The following SLC26A9 variants were observed in gnomAD, a reference collection of about 807,000 sequenced individuals.
SLC26A9 encodes the protein solute carrier family 26 member 9, also known as anion transporter/exchanger protein 9.
SLC26A9 carries 46 observed loss-of-function variants against 87.1 expected under a neutral mutation model. The ratio of observed to expected loss-of-function variants is 0.53; its 90% CI spans 0.42 to 0.67. SLC26A9 has a LOEUF of 0.67. Ranked by LOEUF, SLC26A9 falls within the 30% of genes least tolerant of loss-of-function variation. The pLI, the probability that SLC26A9 is intolerant of heterozygous loss-of-function variation, is 0.00. For synonymous variants in SLC26A9, 437 were observed against 409.1 expected, an observed-to-expected ratio of 1.07 and a Z score of -0.82; for missense variants, 927 against 1,018.3, an observed-to-expected ratio of 0.91 and a Z score of 1.22.
intron 13 of SLC26A9, 112 bp from the exon 14 acceptor site, chr1:205,923,725 C>CA: frequency 9.0e-7 from 1 of 1,108,984 alleles, no homozygotes; most frequent in Non-Finnish European, 1.3e-6. Context: ...GTCCTGTCCT[C>CA]ACCCCCAGAC....
At chr1:205,924,889 T>G (rs7538856) in intron 12 of SLC26A9, 31,536 of 163,342 alleles carry the variant, frequency 0.19, 3,625 homozygotes, top group East Asian at 0.56. Context: ...CTCAAACCCT[T>G]GAACCCAAGT....
At position 205,923,295 on chromosome 1, in the gene SLC26A9, C is replaced by T. The variant is rs779428846; in HGVS notation, c.1659+40G>A. ...CTTCTGCTTCCATTTTCCGGCCACT[C>T]TCTGTCCAGAGCCTCTGGTCGCCAG... On this transcript the variant is annotated intron_variant, in intron 15 of 20. Transcript: ENST00000367135. 2.5e-6 allele frequency: 4 copies of T among 1,612,862 alleles called. No homozygotes were observed. In the African/African-American group the frequency reaches 4.0e-5, roughly 16 times the overall value.
rs1192065268 is a variant in SLC26A9, at chr1:205,932,870, A to C, written c.266-58T>G. 4.4e-6 allele frequency: 7 copies of C among 1,600,874 alleles called. No homozygotes were observed. The Admixed American group carries it at 6.7e-5, about 15-fold the overall frequency. ...CATGACTAGCTTATGGGGATCACAG[A>C]GGGATGGAGTGGGGATGAGGAGAGG... On this transcript the variant is annotated intron_variant, in intron 3 of 20. Coordinates refer to ENST00000367135, the MANE Select transcript of SLC26A9 (RefSeq NM_052934.4).
chr1:205,929,114 C>T, intron 7 of SLC26A9, 90 bp downstream of exon 7: 2 of 1,546,098 alleles, frequency 1.3e-6, no homozygotes, highest in Non-Finnish European at 1.7e-6. Context: ...CCACTGGCTG[C>T]CAGTTGAGGG....
intron 20 of SLC26A9, 130 bp downstream of exon 20, chr1:205,917,153 T>C: frequency 1.4e-6 from 1 of 724,016 alleles, no homozygotes; most frequent in Non-Finnish European, 2.3e-6. Flanking sequence ...CCACAAATCT[T>C]TGTGGCCTTG....
chr1:205,930,030 G>A lies in SLC26A9; in HGVS notation c.579C>T (p.Gly193=). The change falls in exon 6 of 21, where the codon GGC becomes GGT. Residue 193 remains glycine, a synonymous_variant. Transcript: ENST00000367135. ...ACTCGGAGAGGTAGATGGCCACAAA[G>A]CCAAACTGCATGAAGCCCAGACCCA... ...IQMGLGFMQF[G]FVAIYLSESF... 6.2e-7 allele frequency: 1 copy of A among 1,612,320 alleles called. No homozygotes were observed. The highest frequency in any genetic ancestry group is 8.5e-7 in the Non-Finnish European group (1 of 1,178,464).
At chr1:205,932,656 C>T in intron 4 of SLC26A9, 46 bp downstream of exon 4, 2 of 1,474,332 alleles carry the variant, frequency 1.4e-6, no homozygotes, top group Non-Finnish European at 1.8e-6. Context: ...ACCTCCCATC[C>T]TTGGGGTCTG....
chr1:205,931,854 C>T lies in SLC26A9; in HGVS notation c.552+6G>A. 3 of 1,611,500 alleles carry T rather than the reference C, an allele frequency of 1.9e-6. No homozygotes were observed. The highest frequency in any genetic ancestry group is 2.5e-6 in the Non-Finnish European group (3 of 1,178,824). On this transcript the variant is annotated splice_donor_region_variant and intron_variant, in intron 5 of 20. Coordinates refer to ENST00000367135, the MANE Select transcript of SLC26A9 (RefSeq NM_052934.4). The stretch of plus-strand genomic sequence containing the variant: ...CTTCTAGCAGGGTTGGGGGCTGCCC[C>T]CTCACCTGGATGATGGCGGTGAGGC...
rs77497889 is a variant in SLC26A9, at chr1:205,932,032, G to T, written c.380C>A (p.Thr127Asn). ...LGGVHQMVPG[T>N]FAVISILVGN... ...CACCAGGATGCTGATAACGGCAAAG[G>T]TACCTGTGGTGCCCCACCCAGCCAG... Residue 127 changes from threonine to asparagine, a missense_variant, in exon 5 of 21, where the codon ACC becomes AAC. Physicochemically the swap from Thr to Asn is moderately conservative, Grantham distance 65. Coordinates refer to ENST00000367135, the MANE Select transcript of SLC26A9 (RefSeq NM_052934.4). 185 of 1,614,064 alleles carry T rather than the reference G, an allele frequency of 1.1e-4. No homozygotes were observed. In the East Asian group the frequency reaches 3.9e-3, roughly 34 times the overall value.
rs368293592 is a variant in SLC26A9, at chr1:205,915,139, T to C, written c.*218A>G. 6.2e-7 allele frequency: 1 copy of C among 1,613,578 alleles called. No individual in the cohort carries two copies. The highest frequency in any genetic ancestry group is 1.7e-5 in the Admixed American group (1 of 59,980). ...GGTGAAGAGTGGGCTCACCAGACTC[T>C]CACTCCTGTAAGGGTAGCACCCCCC... On this transcript the variant is annotated 3_prime_UTR_variant, in exon 21 of 21. Transcript: ENST00000367135.
Position 205,915,086 on chromosome 1 carries a change from G to T in SLC26A9, c.*271C>A. 6.2e-7 allele frequency: 1 copy of T among 1,614,098 alleles called. No homozygotes were observed. The highest frequency in any genetic ancestry group is 8.5e-7 in the Non-Finnish European group (1 of 1,179,980). On this transcript the variant is annotated 3_prime_UTR_variant, in exon 21 of 21. Transcript: ENST00000367135. ...GTGGGTGGGGTGGAGTGAGCAGGAG[G>T]CTTGTCCATTGCGGCCAGGGCCTGA...
chr1:205,925,994 C>T (rs1385144369), intron 12 of SLC26A9, among the ~76,000 whole-genome samples: 2 of 152,182 alleles, frequency 1.3e-5, no homozygotes, highest in African/African-American at 4.8e-5. Flanking sequence ...TCGGAACCAG[C>T]GTTTGACGCA....
At chr1:205,936,224 C>G (rs928428757) in intron 1 of SLC26A9, among the ~76,000 whole-genome samples, 2 of 152,206 alleles carry the variant, frequency 1.3e-5, no homozygotes, top group African/African-American at 4.8e-5. Context: ...ACAAGCCATA[C>G]TCCCTTCCCA....
rs750399780 is a variant in SLC26A9 at position 205,921,587 on chromosome 1, C to T, written c.2034G>A (p.Met678Ile). Residue 678 changes from methionine (M) to isoleucine (I), a missense_variant, in exon 17 of 21, where the codon ATG becomes ATA. Transcript: ENST00000367135. ...TCACCTTGGCCAGGGCCTTGATGCC[C>T]ATCAAGTCCACGAAGCTGACTCCAC... ...DMSGVSFVDL[M>I]GIKALAKLSS... 5.4e-5 allele frequency: 87 copies of T among 1,610,154 alleles called. No homozygotes were observed. In the Admixed American group the frequency reaches 1.5e-3, roughly 27 times the overall value.
intron 1 of SLC26A9, among the ~76,000 whole-genome samples, chr1:205,943,077 C>A (rs373924194): frequency 6.6e-6 from 1 of 152,242 alleles, no homozygotes; most frequent in African/African-American, 2.4e-5. Context: ...GCCTTTGCCT[C>A]GCTCTGTTTC....
In SLC26A9 at chr1:205,918,921, G is replaced by A. The variant is rs755752528; in HGVS notation, c.2175C>T (p.His725=). The part of the protein sequence containing the change: ...VFEDGSLECK[H]VFPSIHDAVL... ...CTGCGTCATGTATGCTGGGAAAGAC[G>A]TGCTTGCATTCTAGACTCCCATCCT... is the stretch of plus-strand genomic sequence containing the variant. The change falls in exon 19 of 21, where the codon CAC becomes CAT. Residue 725 remains histidine, a synonymous_variant. Transcript: ENST00000367135. 1.6e-5 allele frequency: 26 copies of A among 1,614,104 alleles called. No homozygotes were observed. Among genetic ancestry groups the A allele is most frequent in the Middle Eastern group, 3.3e-4 (2 of 6,084 alleles).
chr1:205,927,380 A>G, intron 10 of SLC26A9, 92 bp from the exon 11 acceptor site: 2 of 1,561,814 alleles, frequency 1.3e-6, no homozygotes, highest in Non-Finnish European at 1.8e-6. Flanking sequence ...AGTGGAGACT[A>G]AGACGGGAAG....
At chr1:205,923,888 G>A (rs555321147) in intron 13 of SLC26A9, among the ~76,000 whole-genome samples, 1 of 152,306 alleles carries the variant, frequency 6.6e-6, no homozygotes. Flanking sequence ...TCGCCCTGAA[G>A]TCATCATTTC....
chr1:205,917,189 GA>G, intron 20 of SLC26A9, 93 bp downstream of exon 20: 1 of 1,243,060 alleles, frequency 8.0e-7, no homozygotes. Context: ...GGCTGGAGGT[GA>G]GACAGCTGAG....
Sources: gnomAD v4.1 joint callset for allele counts (sites outside exome capture counted in the v4.1 genomes callset) on GRCh38, gnomAD v4.1.1 for gene constraint, MANE v1.5 for transcripts, NCBI Gene and HGNC (gene_info 2026-07-23, HGNC 2026-07-21) for gene names.